The following USP33 variants were observed in gnomAD, a reference collection of about 807,000 sequenced individuals.
USP33 encodes ubiquitin specific peptidase 33.
USP33 carries 46 observed loss-of-function variants against 124.2 expected under a neutral mutation model. That is an observed-to-expected ratio of 0.37 (90% CI 0.29 to 0.47). The LOEUF is 0.47. USP33 is among the 20% of genes least tolerant of loss of function. The pLI, the probability that USP33 is intolerant of heterozygous loss-of-function variation, is 0.99. For missense variants in USP33, 851 were observed against 1,070.6 expected (o/e 0.79, Z 2.86); for synonymous variants, 350 against 352.3 (o/e 0.99, Z 0.07).
chr1:77,758,337 T>C (rs1279029756), intron 1 of USP33, among the ~76,000 whole-genome samples: 4 of 152,008 alleles, frequency 2.6e-5, no homozygotes, highest in Non-Finnish European at 4.4e-5. Context: ...CCTGCCACCA[T>C]GCCCGGCTAA....
Position 77,759,063 on chromosome 1 carries a change from T to C in USP33, c.-52+580A>G, listed in dbSNP as rs563202602. On this transcript the variant is annotated intron_variant, in intron 1 of 23. Coordinates refer to ENST00000370794, the MANE Select transcript of USP33 (RefSeq NM_201624.3). ...TAAAGGTCTGGGAAACCACACACTA[T>C]GGATCTTTCATCCAAACAAAGGCTG... Among the ~76,000 whole-genome samples, 25 of 152,328 alleles carry C rather than the reference T, an allele frequency of 1.6e-4. No individual in the cohort carries two copies. In the South Asian group the frequency reaches 2.1e-3, roughly 13 times the overall value.
At chr1:77,735,566 C>G (rs979077244) in intron 6 of USP33, among the ~76,000 whole-genome samples, 1 of 152,136 alleles carries the variant, frequency 6.6e-6, no homozygotes, top group African/African-American at 2.4e-5. Flanking sequence ...CAATGTACCA[C>G]TAGTATCAAT....
intron 1 of USP33, among the ~76,000 whole-genome samples, chr1:77,757,567 T>C (rs993188482): frequency 1.3e-4 from 20 of 152,232 alleles, no homozygotes; most frequent in African/African-American, 4.6e-4. Flanking sequence ...CTACACTAAA[T>C]AGAGCTGTTA....
At chr1:77,737,370 T>C (rs1678593015) in intron 5 of USP33, among the ~76,000 whole-genome samples, 1 of 152,242 alleles carries the variant, frequency 6.6e-6, no homozygotes, top group African/African-American at 2.4e-5. Flanking sequence ...TAATTGCTTT[T>C]AAAAAGATAC....
chr1:77,710,627 A>G (rs978938287), intron 21 of USP33, among the ~76,000 whole-genome samples: 5 of 152,232 alleles, frequency 3.3e-5, no homozygotes, highest in East Asian at 1.9e-4. Context: ...AAAGCCCTGA[A>G]TCAATGAGGA....
At chr1:77,741,566 T>G in intron 2 of USP33, 51 bp downstream of exon 2, 1 of 1,554,146 alleles carries the variant, frequency 6.4e-7, no homozygotes, top group Non-Finnish European at 8.7e-7. Flanking sequence ...AAATTACACA[T>G]TCAAGAGAAA....
intron 1 of USP33, among the ~76,000 whole-genome samples, chr1:77,742,262 T>C (rs539416516): frequency 1.3e-5 from 2 of 152,198 alleles, no homozygotes; most frequent in Non-Finnish European, 2.9e-5. Context: ...GGATAAGCAC[T>C]TTATATCAGG....
intron 5 of USP33, among the ~76,000 whole-genome samples, chr1:77,737,976 A>G (rs1284239516): frequency 1.3e-5 from 2 of 152,234 alleles, no homozygotes; most frequent in African/African-American, 4.8e-5. Context: ...ATGTAAGAGG[A>G]TTCAACGAAA....
intron 22 of USP33, among the ~76,000 whole-genome samples, chr1:77,699,415 G>A (rs1418825807): frequency 2.0e-5 from 3 of 152,166 alleles, no homozygotes; most frequent in Admixed American, 1.3e-4. Flanking sequence ...AGCTACTCAG[G>A]ACGCTGAGGC....
intron 20 of USP33, among the ~76,000 whole-genome samples, chr1:77,712,919 C>T (rs1261584799): frequency 2.6e-5 from 4 of 152,042 alleles, no homozygotes; most frequent in African/African-American, 9.7e-5. Context: ...TGAGTATATA[C>T]ATATGTAAAA....
At chr1:77,704,215 A>C (rs1172694184) in intron 21 of USP33, among the ~76,000 whole-genome samples, 1 of 152,238 alleles carries the variant, frequency 6.6e-6, no homozygotes, top group Non-Finnish European at 1.5e-5. Context: ...CAATGGAACA[A>C]TGAAATGGAA....
chr1:77,725,627 T>G lies in USP33; in HGVS notation c.1271A>C (p.Lys424Thr). The G allele has an allele frequency of 6.2e-7, 1 of 1,614,020 alleles. No homozygotes were observed. Among genetic ancestry groups the G allele is most frequent in the Non-Finnish European group, 8.5e-7 (1 of 1,179,976 alleles). Reference protein sequence around the residue: ...NLWPGLAPPHKKAQSASPKRK... With the variant: ...NLWPGLAPPHTKAQSASPKRK... The stretch of plus-strand genomic sequence containing the variant: ...GAATAAGAGAAACGTTTTACCTTTT[T>G]TGTGTGGTGGTGCCAATCCTGGCCA... Residue 424 changes from lysine to threonine, a missense_variant, in exon 11 of 24, where the codon AAA becomes ACA. Transcript: ENST00000370794.
intron 16 of USP33, 86 bp from the exon 17 acceptor site, chr1:77,718,133 T>A (rs1676133860): frequency 8.4e-6 from 10 of 1,190,696 alleles, no homozygotes; most frequent in Non-Finnish European, 1.0e-5. Flanking sequence ...ACATTTTTAT[T>A]CAACAAGCAA....
chr1:77,723,121 A>G (rs1392063697), intron 12 of USP33, among the ~76,000 whole-genome samples: 4 of 152,244 alleles, frequency 2.6e-5, no homozygotes, highest in Admixed American at 6.5e-5. Flanking sequence ...TGCCTGTCCA[A>G]TGATGGGTCA....
intron 22 of USP33, among the ~76,000 whole-genome samples, chr1:77,699,093 A>G (rs1238271300): frequency 6.6e-6 from 1 of 152,356 alleles, no homozygotes; most frequent in Non-Finnish European, 1.5e-5. Flanking sequence ...GAACATGAAC[A>G]CTTCTCAAAA....
At chr1:77,707,223 A>G (rs1053226264) in intron 21 of USP33, among the ~76,000 whole-genome samples, 1 of 152,226 alleles carries the variant, frequency 6.6e-6, no homozygotes, top group African/African-American at 2.4e-5. Context: ...TCTCAGTTTT[A>G]GAGAACAGAA....
At chr1:77,744,336 GA>G in intron 1 of USP33, among the ~76,000 whole-genome samples, 1 of 152,104 alleles carries the variant, frequency 6.6e-6, no homozygotes, top group East Asian at 1.9e-4. Context: ...AAGAAACCAA[GA>G]AATAGCACAG....
intron 18 of USP33, 189 bp from the exon 19 acceptor site, chr1:77,714,972 T>C (rs1204384015): frequency 7.2e-6 from 4 of 559,076 alleles, no homozygotes; most frequent in Non-Finnish European, 1.2e-5. Flanking sequence ...AAACTGTATC[T>C]TACCTACAGG....
At chr1:77,698,500 G>GT (rs796138788) in intron 22 of USP33, among the ~76,000 whole-genome samples, 4,165 of 116,360 alleles carry the variant, frequency 0.036, 174 homozygotes, top group African/African-American at 0.11. Context: ...GAAATGTTTT[G>GT]TTTTTTTTTT....
Sources: allele counts gnomAD v4.1 joint callset (sites outside exome capture counted in the v4.1 genomes callset), GRCh38; gene constraint gnomAD v4.1.1; transcripts MANE v1.5; gene names NCBI Gene and HGNC (gene_info 2026-07-23, HGNC 2026-07-21).